The following AAK1 variants were observed in gnomAD, a reference collection of about 807,000 sequenced individuals.
AAK1 encodes AP2-associated protein kinase 1.
AAK1 carries 37 observed loss-of-function variants against 116.0 expected under a neutral mutation model. The observed-to-expected ratio is 0.32, with a 90% CI of 0.25 to 0.42. The LOEUF (loss-of-function observed/expected upper bound fraction) is 0.42. Among genes scored for constraint, AAK1 ranks in the 10% least tolerant of loss-of-function variants. The pLI, the probability that AAK1 is intolerant of heterozygous loss-of-function variation, is 1.00. For missense variants in AAK1, 919 were observed against 1,170.6 expected (o/e 0.79, Z 3.14); for synonymous variants, 458 against 439.9 (o/e 1.04, Z -0.51).
intron 2 of AAK1, among the ~76,000 whole-genome samples, chr2:69,605,033 C>A (rs888027795): frequency 2.0e-5 from 3 of 152,282 alleles, no homozygotes; most frequent in South Asian, 4.1e-4. Flanking sequence ...TTCCTCCTAG[C>A]ACTAATTTCA....
At chr2:69,627,543 C>G (rs1250493562) in intron 2 of AAK1, among the ~76,000 whole-genome samples, 1 of 152,102 alleles carries the variant, frequency 6.6e-6, no homozygotes, top group Non-Finnish European at 1.5e-5. Context: ...ACCAGCCAAG[C>G]CTTAGACACT....
intron 2 of AAK1, among the ~76,000 whole-genome samples, chr2:69,609,258 G>A (rs1380051216): frequency 2.0e-5 from 3 of 152,146 alleles, no homozygotes; most frequent in Admixed American, 6.5e-5. Context: ...AGCTATTCGG[G>A]AGGCTGAGGT....
chr2:69,640,167 A>G (rs1314864236), intron 2 of AAK1, among the ~76,000 whole-genome samples: 1 of 151,906 alleles, frequency 6.6e-6, no homozygotes, highest in Non-Finnish European at 1.5e-5. Context: ...TTAATTATAT[A>G]TATTGCCTCA....
In AAK1 at chr2:69,473,039, TATA is replaced by T; in HGVS notation, c.*2827_*2829del. The T allele has an allele frequency of 1.0e-6, 1 of 967,890 alleles. No individual in the cohort carries two copies. The highest frequency in any genetic ancestry group is 1.2e-6 in the Non-Finnish European group (1 of 813,594). The allele number at this position is 967,890 out of a possible 1,614,324, so 60.0% of individuals were successfully genotyped here. Reference sequence around the variant, plus strand: ...ATAAATCCTTCATAGCCCTTCTCAATATAATAATATATACTTAGGACCCTATAC... The same window carrying T: ...ATAAATCCTTCATAGCCCTTCTCAATATAATATATACTTAGGACCCTATAC... On this transcript the variant is annotated 3_prime_UTR_variant, in exon 22 of 22. Coordinates refer to ENST00000409085, the MANE Select transcript of AAK1 (RefSeq NM_014911.5).
chr2:69,574,377 CAAAAAAAAA>C (rs58486434), intron 2 of AAK1, among the ~76,000 whole-genome samples: 1 of 74,896 alleles, frequency 1.3e-5, no homozygotes, highest in Non-Finnish European at 2.7e-5. Flanking sequence ...GACTCCCTCT[CAAAAAAAAA>C]AAAAAAAAAA....
In AAK1 at chr2:69,474,184, C is replaced by A. The variant is rs185239596; in HGVS notation, c.*1685G>T. On this transcript the variant is annotated 3_prime_UTR_variant, in exon 22 of 22. Coordinates refer to ENST00000409085, the MANE Select transcript of AAK1 (RefSeq NM_014911.5). ...TTTATAGGCTGTTGTTGCTGTTAAA[C>A]TTTTTTCCCCCATAAAGTGCAAATG... is the stretch of plus-strand genomic sequence containing the variant. 2.0e-6 allele frequency: 2 copies of A among 985,794 alleles called. No homozygotes were observed. Among genetic ancestry groups the A allele is most frequent in the Non-Finnish European group, 2.4e-6 (2 of 829,924 alleles). The allele number at this position is 985,794 out of a possible 1,614,324, so 61.1% of individuals were successfully genotyped here.
chr2:69,532,362 G>C (rs1195299213), intron 5 of AAK1, among the ~76,000 whole-genome samples, 200 bp from the exon 6 acceptor site: 1 of 152,104 alleles, frequency 6.6e-6, no homozygotes, highest in Non-Finnish European at 1.5e-5. Context: ...GGGAAAAGTG[G>C]GTGGAGAGGG....
chr2:69,517,707 C>A, intron 12 of AAK1, among the ~76,000 whole-genome samples: 1 of 149,036 alleles, frequency 6.7e-6, no homozygotes, highest in Non-Finnish European at 1.5e-5. Flanking sequence ...ATGCAATCAG[C>A]TAAACCCAGA....
Position 69,466,110 on chromosome 2 carries a change from G to C in AAK1, c.*9759C>G, listed in dbSNP as rs1162164967. Reference sequence around the variant, plus strand: ...TGGAACCCTTGAGCTCCTGAAGGGAGCTATGGCAAAAACATCTGGCTCACT... The same window carrying C: ...TGGAACCCTTGAGCTCCTGAAGGGACCTATGGCAAAAACATCTGGCTCACT... On this transcript the variant is annotated 3_prime_UTR_variant, in exon 22 of 22. Transcript: ENST00000409085. The C allele has an allele frequency of 4.6e-6, 6 of 1,290,792 alleles. No homozygotes were observed. The highest frequency in any genetic ancestry group is 6.1e-6 in the Non-Finnish European group (6 of 988,884). 80.0% of individuals were successfully genotyped at this position (1,290,792 alleles called of 1,614,324 possible).
At chr2:69,499,989 G>T (rs1675907604) in intron 16 of AAK1, 1 of 152,198 alleles carries the variant, frequency 6.6e-6, no homozygotes, top group African/African-American at 2.4e-5. Context: ...ACCATGTGAA[G>T]TTTTAAATGT....
chr2:69,607,727 C>G (rs1673871892), intron 2 of AAK1, among the ~76,000 whole-genome samples: 2 of 152,156 alleles, frequency 1.3e-5, no homozygotes, highest in Admixed American at 1.3e-4. Flanking sequence ...GAGAAACTCT[C>G]TCTTCTCCAA....
chr2:69,504,319 A>G (rs945340081), intron 16 of AAK1, among the ~76,000 whole-genome samples: 2 of 149,012 alleles, frequency 1.3e-5, no homozygotes, highest in African/African-American at 5.0e-5. Context: ...AATTGCTTGA[A>G]CCTGGGAGGC....
At chr2:69,571,328 C>A (rs746801999) in intron 2 of AAK1, among the ~76,000 whole-genome samples, 8 of 152,202 alleles carry the variant, frequency 5.3e-5, no homozygotes, top group Non-Finnish European at 1.2e-4. Flanking sequence ...GTAGACTAGG[C>A]TGATGGCTGC....
intron 2 of AAK1, among the ~76,000 whole-genome samples, chr2:69,616,017 T>C (rs1674312401): frequency 6.6e-6 from 1 of 152,202 alleles, no homozygotes; most frequent in Admixed American, 6.5e-5. Context: ...AGACAAATCA[T>C]GTGAGCTCAG....
Position 69,472,907 on chromosome 2 carries a change from T to C in AAK1, c.*2962A>G. The stretch of plus-strand genomic sequence containing the variant: ...ATGATTTAGGCTTCTATTCAGATAA[T>C]CAAGAAAGAGCAAGTTAGTAAAAGC... On this transcript the variant is annotated 3_prime_UTR_variant, in exon 22 of 22. Transcript: ENST00000409085. 1 of 985,724 alleles carries C rather than the reference T, an allele frequency of 1.0e-6. No homozygotes were observed. Among genetic ancestry groups the C allele is most frequent in the Non-Finnish European group, 1.2e-6 (1 of 829,810 alleles). 61.1% of individuals were successfully genotyped at this position (985,724 alleles called of 1,614,324 possible). A position where few individuals can be genotyped will look rare whatever the true frequency, so the allele number is the denominator to read the frequency against.
intron 17 of AAK1, among the ~76,000 whole-genome samples, chr2:69,489,764 A>G (rs1443129905): frequency 6.6e-6 from 1 of 152,222 alleles, no homozygotes; most frequent in Non-Finnish European, 1.5e-5. Flanking sequence ...TAGTCACTCT[A>G]AAGAGTTCTT....
At chr2:69,602,232 C>G (rs1673611344) in intron 2 of AAK1, among the ~76,000 whole-genome samples, 1 of 152,178 alleles carries the variant, frequency 6.6e-6, no homozygotes, top group Non-Finnish European at 1.5e-5. Context: ...AGATTAAATC[C>G]TGAACCGAAG....
At chr2:69,511,347 G>A (rs1220531186) in intron 13 of AAK1, among the ~76,000 whole-genome samples, 1 of 152,204 alleles carries the variant, frequency 6.6e-6, no homozygotes, top group African/African-American at 2.4e-5. Flanking sequence ...ATGTACACAT[G>A]TCAGTATTCC....
chr2:69,467,245 AAATG>A lies in AAK1; in HGVS notation c.*8620_*8623del. On this transcript the variant is annotated 3_prime_UTR_variant, in exon 22 of 22. Transcript: ENST00000409085. ...AAGTTCATAAAGATCTCCTCTGCTT[AAATG>A]AATCTGCCATAAAGTTCTTTAAGCA... 1 of 985,490 alleles carries A rather than the reference AAATG, an allele frequency of 1.0e-6. No homozygotes were observed. The highest frequency in any genetic ancestry group is 4.7e-5 in the South Asian group (1 of 21,290). The allele number at this position is 985,490 out of a possible 1,614,324, so 61.0% of individuals were successfully genotyped here.
Sources: allele counts gnomAD v4.1 joint callset (sites outside exome capture counted in the v4.1 genomes callset), GRCh38; gene constraint gnomAD v4.1.1; transcripts MANE v1.5; gene names NCBI Gene and HGNC (gene_info 2026-07-23, HGNC 2026-07-21).